Variants in NCOR2 observed in about 807,000 individuals in gnomAD.
The protein encoded by NCOR2 is nuclear receptor corepressor 2.
A neutral mutation model predicts 262.9 loss-of-function variants in NCOR2; 81 were observed. The observed-to-expected ratio is 0.31, with a 90% CI of 0.26 to 0.37. NCOR2 has a LOEUF of 0.37. Among genes scored for constraint, NCOR2 ranks in the 10% least tolerant of loss-of-function variants. The pLI is 1.00. For synonymous variants in NCOR2, 1,659 were observed against 1,559.3 expected, an observed-to-expected ratio of 1.06 and a Z score of -1.51; for missense variants, 3,385 against 3,621.4, an observed-to-expected ratio of 0.93 and a Z score of 1.68.
At chr12:124,536,507 A>G (rs2051117582), upstream of NCOR2, among the ~76,000 whole-genome samples, 1 of 152,234 alleles carries the variant, frequency 6.6e-6, no homozygotes, top group Non-Finnish European at 1.5e-5. Context: ...GGCAAAAGAC[A>G]ACATAGACGC....
chr12:124,416,700 G>A (rs1198283888), intron 13 of NCOR2, among the ~76,000 whole-genome samples: 5 of 140,322 alleles, frequency 3.6e-5, no homozygotes, highest in African/African-American at 1.1e-4. Context: ...GAGTCCCCGC[G>A]GCACAGATAG....
At chr12:124,364,235 CAAAG>C (rs539512801) in intron 20 of NCOR2, among the ~76,000 whole-genome samples, 90 of 152,348 alleles carry the variant, frequency 5.9e-4, no homozygotes, top group African/African-American at 2.1e-3. Context: ...GCCAGAAAGC[CAAAG>C]AATCAGCCCG....
intron 1 of NCOR2, among the ~76,000 whole-genome samples, chr12:124,533,525 C>T (rs2050960158): frequency 6.6e-6 from 1 of 152,112 alleles, no homozygotes; most frequent in African/African-American, 2.4e-5. Context: ...CTGGTGCTCA[C>T]CACCAAGAGA....
At chr12:124,428,721 G>A (rs1316402349) in intron 10 of NCOR2, among the ~76,000 whole-genome samples, 1 of 152,176 alleles carries the variant, frequency 6.6e-6, no homozygotes, top group Non-Finnish European at 1.5e-5. Flanking sequence ...GAACTGAATT[G>A]CTAATTTTAT....
chr12:124,486,016 C>T (rs2047750971), intron 2 of NCOR2, among the ~76,000 whole-genome samples: 1 of 151,486 alleles, frequency 6.6e-6, no homozygotes, highest in Non-Finnish European at 1.5e-5. Flanking sequence ...ATTCCCTTCC[C>T]ACCTGGATCA....
chr12:124,508,814 G>A (rs1156728602), intron 1 of NCOR2, among the ~76,000 whole-genome samples: 1 of 152,212 alleles, frequency 6.6e-6, no homozygotes, highest in Admixed American at 6.5e-5. Flanking sequence ...GCCAGGACAT[G>A]ACCTGTGGCT....
At chr12:124,533,109 C>A (rs1405869367) in intron 1 of NCOR2, among the ~76,000 whole-genome samples, 2 of 150,378 alleles carry the variant, frequency 1.3e-5, no homozygotes, top group African/African-American at 5.0e-5. Flanking sequence ...CCTTCCCCTG[C>A]TCCCTCCAAG....
chr12:124,345,013 C>A, intron 31 of NCOR2, 62 bp from the exon 34 acceptor site: 6 of 1,390,548 alleles, frequency 4.3e-6, no homozygotes, highest in Non-Finnish European at 5.7e-6. Flanking sequence ...CCAGCTGCAT[C>A]CCCCTTCTGA....
chr12:124,516,061 C>T (rs1483948608), intron 1 of NCOR2, among the ~76,000 whole-genome samples: 1 of 151,928 alleles, frequency 6.6e-6, no homozygotes, highest in Middle Eastern at 3.2e-3. Flanking sequence ...TGGATGAGAA[C>T]CCCCCCGCCT....
At chr12:124,550,446 G>T (rs182839629) in intron 1 of NCOR2, among the ~76,000 whole-genome samples, 60 of 152,240 alleles carry the variant, frequency 3.9e-4, no homozygotes, top group African/African-American at 1.4e-3. Flanking sequence ...TAGAGTGGGG[G>T]CTCCACAATC....
intron 18 of NCOR2, among the ~76,000 whole-genome samples, chr12:124,375,895 A>G (rs2039955235): frequency 6.6e-6 from 1 of 152,176 alleles, no homozygotes; most frequent in Non-Finnish European, 1.5e-5. Flanking sequence ...AGGGGCCTGC[A>G]GTGCCGCTGG....
chr12:124,483,728 G>C lies in NCOR2; in HGVS notation c.279C>G (p.Pro93=), dbSNP rs777360867. Residue 93 remains proline (P), a synonymous_variant, in exon 3 of 47, where the codon CCC becomes CCG. Coordinates refer to ENST00000405201, the Ensembl canonical transcript of NCOR2. The surrounding 1 kb of genome is among the most constrained non-coding windows in gnomAD (Gnocchi z 6.3). ...ACTCCATCTCTGACTTCCCCAGCTC[G>C]GGCAGGTATGAGTGGGACTCTGGCC... 15 of 1,611,090 alleles carry C rather than the reference G, an allele frequency of 9.3e-6. No individual in the cohort carries two copies. Among genetic ancestry groups the C allele is most frequent in the South Asian group, 2.2e-5 (2 of 90,426 alleles).
intron 14 of NCOR2, 96 bp downstream of exon 16, chr12:124,402,308 G>A: frequency 1.3e-6 from 2 of 1,560,538 alleles, no homozygotes; most frequent in Admixed American, 3.5e-5. Flanking sequence ...CAATTGGTGG[G>A]CACCCCACCC....
rs56788085 is a variant in NCOR2 at position 124,381,383 on chromosome 12, C to T, written c.2020-2999G>A. 2.9e-3 allele frequency among the ~76,000 whole-genome samples: 434 copies of T among 152,270 alleles called. 2 individuals carry two copies. The highest frequency in any genetic ancestry group is 9.1e-3 in the African/African-American group (380 of 41,552). ...CCATCATTAGCTCATCCCTCCCACC[C>T]CCACCATCAATCACTTTCTACTACA... On this transcript the variant is annotated intron_variant, in intron 17 of 46. Coordinates refer to ENST00000405201, the Ensembl canonical transcript of NCOR2.
intron 5 of NCOR2, 92 bp downstream of exon 7, chr12:124,466,081 G>T: frequency 1.6e-6 from 2 of 1,254,046 alleles, no homozygotes; most frequent in East Asian, 2.5e-5. Context: ...TCCCCACATA[G>T]ATGGAAACAC....
intron 1 of NCOR2, among the ~76,000 whole-genome samples, chr12:124,529,194 A>C (rs1301594246): frequency 6.7e-6 from 1 of 149,458 alleles, no homozygotes; most frequent in East Asian, 2.0e-4. Flanking sequence ...AAAAAAAAAA[A>C]AAAAAAAACA....
At position 124,566,519 on chromosome 12, in the gene NCOR2, C is replaced by G. The variant is rs1286951370; in HGVS notation, c.-165+789G>C. Among the ~76,000 whole-genome samples the G allele has an allele frequency of 1.3e-5, 2 of 152,232 alleles. No homozygotes were observed. The highest frequency in any genetic ancestry group is 2.9e-5 in the Non-Finnish European group (2 of 68,038). On this transcript the variant is annotated intron_variant, in intron 1 of 32. Transcript: ENST00000458234. The surrounding 1 kb of genome is among the most constrained non-coding windows in gnomAD (Gnocchi z 4.3). Reference sequence around the variant, plus strand: ...GCGTACCCCACGGGTGCCCTCACTCCCCGCAGGCCTCTGAGGAAGCTGCCC... The same window carrying G: ...GCGTACCCCACGGGTGCCCTCACTCGCCGCAGGCCTCTGAGGAAGCTGCCC...
At chr12:124,529,237 TA>T (rs1256211675) in intron 1 of NCOR2, among the ~76,000 whole-genome samples, 1 of 118,474 alleles carries the variant, frequency 8.4e-6, no homozygotes, top group Non-Finnish European at 1.7e-5. Context: ...GAGGCCAAAG[TA>T]AGTGGATGAC....
chr12:124,355,445 C>A, exon 24 of NCOR2: 1 of 1,613,498 alleles, frequency 6.2e-7, no homozygotes, highest in South Asian at 1.1e-5. Context: ...GGAGATGGCA[C>A]CTATTTGCCT....
Sources: gnomAD v4.1 joint callset for allele counts (sites outside exome capture counted in the v4.1 genomes callset) on GRCh38, gnomAD v4.1.1 for gene constraint, Gnocchi (gnomAD v3.1) non-coding constraint, MANE v1.5 for transcripts, NCBI Gene and HGNC (gene_info 2026-07-23, HGNC 2026-07-21) for gene names.